NRG3: variants seen among roughly 807,000 people sequenced by gnomAD.
The protein encoded by NRG3 is pro-neuregulin-3, membrane-bound isoform.
NRG3 carries 31 observed loss-of-function variants against 66.9 expected under a neutral mutation model. The ratio of observed to expected loss-of-function variants is 0.46; its 90% CI spans 0.35 to 0.63. The LOEUF is 0.63. NRG3 is among the 20% of genes least tolerant of loss of function. The probability of loss-of-function intolerance (pLI) is 0.00; values close to 1 mark genes in which losing one functional copy is unlikely to be tolerated. For synonymous variants in NRG3, 393 were observed against 359.4 expected, an observed-to-expected ratio of 1.09 and a Z score of -1.06; for missense variants, 910 against 878.9, an observed-to-expected ratio of 1.04 and a Z score of -0.45.
chr10:82,238,919 T>TATATATATATAC (rs372472574), intron 1 of NRG3, among the ~76,000 whole-genome samples: 1 of 142,142 alleles, frequency 7.0e-6, no homozygotes, highest in Non-Finnish European at 1.5e-5. Context: ...ACCGTATATA[T>TATATATATATAC]ATATATATAA....
rs373104435 is a variant in NRG3 at position 82,488,702 on chromosome 10, T to G, written c.953+129834T>G. 4.6e-5 allele frequency among the ~76,000 whole-genome samples: 7 copies of G among 152,156 alleles called. No homozygotes were observed. In the East Asian group the frequency reaches 1.4e-3, roughly 29 times the overall value. On this transcript the variant is annotated intron_variant, in intron 2 of 8. Transcript: ENST00000372141. Reference sequence around the variant, plus strand: ...AGGGTGGGGTTATTCACTCCAACTCTGGGGGCTGTGAAGCCATCTCCAGGG... The same window carrying G: ...AGGGTGGGGTTATTCACTCCAACTCGGGGGGCTGTGAAGCCATCTCCAGGG...
chr10:82,919,077 GTGTGTGTGTGTGTGTGTGTGTGTA>G (rs1414392327), intron 4 of NRG3, among the ~76,000 whole-genome samples: 6 of 148,578 alleles, frequency 4.0e-5, no homozygotes, highest in African/African-American at 1.3e-4. Flanking sequence ...GTGTGTGTGT[GTGTGTGTGTGTGTGTGTGTGTGTA>G]TGTGTGTGTG....
intron 4 of NRG3, among the ~76,000 whole-genome samples, chr10:82,894,093 C>A (rs73309587): frequency 2.0e-5 from 3 of 152,078 alleles, no homozygotes; most frequent in Admixed American, 6.5e-5. Context: ...AAAGAGGAAA[C>A]ATCCCAAAAT....
intron 1 of NRG3, among the ~76,000 whole-genome samples, chr10:82,319,715 C>A (rs995978870): frequency 2.6e-5 from 4 of 152,168 alleles, no homozygotes. Context: ...CCTTAGCCTG[C>A]AGCCCACCTG....
At chr10:81,877,602 A>C (rs2132440651) in intron 1 of NRG3, 1 of 891,602 alleles carries the variant, frequency 1.1e-6, no homozygotes, top group Non-Finnish European at 1.4e-6. Flanking sequence ...TGTATTTGTA[A>C]GTAAGGTCCA....
intron 1 of NRG3, among the ~76,000 whole-genome samples, chr10:81,975,738 T>G (rs1158883519): frequency 6.6e-6 from 1 of 152,156 alleles, no homozygotes; most frequent in African/African-American, 2.4e-5. Context: ...GACTATGTTA[T>G]GTTACATGTC....
chr10:81,995,035 G>A (rs944043125), intron 1 of NRG3, among the ~76,000 whole-genome samples: 7 of 151,688 alleles, frequency 4.6e-5, no homozygotes, highest in South Asian at 2.1e-4. Flanking sequence ...TATGTTTTTC[G>A]TATCTCCCAC....
chr10:82,199,433 A>G (rs1306091200), intron 1 of NRG3, among the ~76,000 whole-genome samples: 1 of 152,162 alleles, frequency 6.6e-6, no homozygotes, highest in Non-Finnish European at 1.5e-5. Flanking sequence ...GGTATTTAAT[A>G]TAGTTCATGC....
At chr10:82,087,331 A>C (rs2065784885) in intron 1 of NRG3, among the ~76,000 whole-genome samples, 1 of 152,118 alleles carries the variant, frequency 6.6e-6, no homozygotes. Flanking sequence ...CCTGCCCTGC[A>C]AAGCCCGCCT....
chr10:82,410,673 T>C (rs1177458841), intron 2 of NRG3, among the ~76,000 whole-genome samples: 1 of 151,906 alleles, frequency 6.6e-6, no homozygotes. Flanking sequence ...AACCAGTGAA[T>C]TGTATAATTT....
chr10:82,205,220 C>T (rs1233185439), intron 1 of NRG3, among the ~76,000 whole-genome samples: 1 of 152,204 alleles, frequency 6.6e-6, no homozygotes, highest in African/African-American at 2.4e-5. Flanking sequence ...TTCGTTCCCA[C>T]TACAGATGCC....
chr10:82,459,699 GGAA>G (rs1196362901), intron 2 of NRG3, among the ~76,000 whole-genome samples: 1 of 152,156 alleles, frequency 6.6e-6, no homozygotes, highest in Non-Finnish European at 1.5e-5. Context: ...CCCAGAGAAA[GGAA>G]GTAATATTCA....
intron 2 of NRG3, among the ~76,000 whole-genome samples, chr10:82,668,863 G>A (rs2053013082): frequency 6.6e-6 from 1 of 152,090 alleles, no homozygotes; most frequent in Non-Finnish European, 1.5e-5. Context: ...TTACATTATA[G>A]ATTGCCTCTA....
intron 1 of NRG3, among the ~76,000 whole-genome samples, chr10:82,246,099 T>G (rs1475546024): frequency 1.3e-5 from 2 of 151,996 alleles, no homozygotes; most frequent in African/African-American, 4.8e-5. Flanking sequence ...ATAATAAATT[T>G]TTGAGGTTAG....
At chr10:82,888,935 A>G (rs1842929047) in intron 4 of NRG3, among the ~76,000 whole-genome samples, 1 of 152,246 alleles carries the variant, frequency 6.6e-6, no homozygotes, top group Admixed American at 6.5e-5. Context: ...GTTGAAATTC[A>G]AGCGCAAGGC....
At chr10:82,846,847 A>G (rs1260585193) in intron 3 of NRG3, among the ~76,000 whole-genome samples, 3 of 152,370 alleles carry the variant, frequency 2.0e-5, no homozygotes, top group South Asian at 2.1e-4. Flanking sequence ...CACATAGAAT[A>G]TACAAAATAC....
At position 82,124,670 on chromosome 10, in the gene NRG3, C is replaced by T. The variant is rs969611664; in HGVS notation, c.824-234069C>T. 9.4e-5 allele frequency among the ~76,000 whole-genome samples: 14 copies of T among 149,252 alleles called. 1 individual carries two copies. Among genetic ancestry groups the T allele is most frequent in the African/African-American group, 4.9e-5 (2 of 40,446 alleles). The stretch of plus-strand genomic sequence containing the variant: ...ATGTGTGCAGCAAACCACCATGGCA[C>T]AGGTATACCTAAGTAACAAACCTGC... On this transcript the variant is annotated intron_variant, in intron 1 of 8. Coordinates refer to ENST00000372141, the MANE Select transcript of NRG3 (RefSeq NM_001010848.4).
At chr10:82,796,899 A>G (rs982526571) in intron 3 of NRG3, among the ~76,000 whole-genome samples, 1 of 152,322 alleles carries the variant, frequency 6.6e-6, no homozygotes, top group East Asian at 1.9e-4. Context: ...AATGATGCAG[A>G]CAAGGAAATT....
chr10:82,387,150 GTTACATGCT>G (rs1407692348), intron 2 of NRG3, among the ~76,000 whole-genome samples: 1 of 152,158 alleles, frequency 6.6e-6, no homozygotes, highest in African/African-American at 2.4e-5. Context: ...TGCCAATTAT[GTTACATGCT>G]TTAGCTTTAT....
Sources: allele counts gnomAD v4.1 joint callset (sites outside exome capture counted in the v4.1 genomes callset), GRCh38; gene constraint gnomAD v4.1.1; transcripts MANE v1.5; gene names NCBI Gene and HGNC (gene_info 2026-07-23, HGNC 2026-07-21).